The following RARB variants were observed in gnomAD, a reference collection of about 807,000 sequenced individuals.
The protein encoded by RARB is retinoic acid receptor beta.
Under a neutral mutation model 51.9 loss-of-function variants are expected in RARB, and 17 were observed. The ratio of observed to expected loss-of-function variants is 0.33; its 90% CI spans 0.22 to 0.49. The LOEUF (loss-of-function observed/expected upper bound fraction) is 0.49, where lower values mean the gene tolerates loss of function less well. RARB is among the 20% of genes least tolerant of loss of function. RARB has a pLI of 0.99. For missense variants in RARB, 369 were observed against 550.8 expected (o/e 0.67, Z 3.30); for synonymous variants, 215 against 195.4 (o/e 1.10, Z -0.84).
rs4458333 is a variant in RARB, at chr3:24,937,658, G to A, written c.-380+78906G>A. Among the ~76,000 whole-genome samples the A allele has an allele frequency of 8.0e-3, 1,216 of 152,226 alleles. 9 individuals are homozygous for A. The highest frequency in any genetic ancestry group is 0.019 in the African/African-American group (797 of 41,554). On this transcript the variant is annotated intron_variant, in intron 2 of 11. Transcript: ENST00000383772. ...GCTTAACAAAGGAAACTTCAGAACCGTTCAGGGAGATAGCATCAAAACATT... is the reference window on the plus strand; with the variant it reads ...GCTTAACAAAGGAAACTTCAGAACCATTCAGGGAGATAGCATCAAAACATT...
intron 4 of RARB, among the ~76,000 whole-genome samples, chr3:25,159,257 C>G (rs1207276300): frequency 1.3e-5 from 2 of 150,272 alleles, no homozygotes; most frequent in African/African-American, 2.5e-5. Flanking sequence ...TCCACCTCCC[C>G]CTCCCCGGTT....
intron 2 of RARB, among the ~76,000 whole-genome samples, chr3:25,489,185 A>G (rs772708845): frequency 6.6e-6 from 1 of 152,228 alleles, no homozygotes; most frequent in East Asian, 1.9e-4. Flanking sequence ...TGTTTAAAAG[A>G]ACTTTTTCTT....
intron 4 of RARB, among the ~76,000 whole-genome samples, chr3:25,166,388 C>G (rs918294979): frequency 2.0e-5 from 3 of 152,060 alleles, no homozygotes; most frequent in African/African-American, 7.2e-5. Flanking sequence ...AGGTACTTGG[C>G]TGGATGCATC....
At chr3:24,860,259 A>G (rs1490365324) in intron 2 of RARB, among the ~76,000 whole-genome samples, 3 of 152,004 alleles carry the variant, frequency 2.0e-5, no homozygotes, top group African/African-American at 7.3e-5. Flanking sequence ...GTTGATTCTG[A>G]TTGTTCTAGG....
intron 3 of RARB, among the ~76,000 whole-genome samples, chr3:25,090,001 C>G (rs112930858): frequency 5.9e-5 from 9 of 152,254 alleles, no homozygotes; most frequent in African/African-American, 2.2e-4. Flanking sequence ...CTATCCAGGT[C>G]TACTGGTGTA....
intron 2 of RARB, among the ~76,000 whole-genome samples, chr3:24,974,319 T>G (rs938722645): frequency 6.6e-6 from 1 of 152,154 alleles, no homozygotes; most frequent in African/African-American, 2.4e-5. Context: ...TTAAACGCAT[T>G]GTTGAATTTA....
At chr3:25,344,640 A>T (rs924089334) in intron 5 of RARB, among the ~76,000 whole-genome samples, 6 of 152,226 alleles carry the variant, frequency 3.9e-5, no homozygotes, top group African/African-American at 1.4e-4. Context: ...TAAAGCCATG[A>T]ACATTGACAC....
chr3:24,984,114 C>T (rs1381357848), intron 2 of RARB, among the ~76,000 whole-genome samples: 1 of 152,092 alleles, frequency 6.6e-6, no homozygotes, highest in Non-Finnish European at 1.5e-5. Flanking sequence ...ACAGTCATTA[C>T]AATGATCAAG....
chr3:24,903,808 CT>C (rs1694782448), intron 2 of RARB, among the ~76,000 whole-genome samples: 1 of 152,100 alleles, frequency 6.6e-6, no homozygotes, highest in South Asian at 2.1e-4. Context: ...GAAATATGTT[CT>C]CTATACATTT....
At chr3:25,278,329 A>C (rs776529289) in intron 5 of RARB, among the ~76,000 whole-genome samples, 14 of 152,196 alleles carry the variant, frequency 9.2e-5, no homozygotes, top group Admixed American at 1.3e-4. Flanking sequence ...ATATGATGCA[A>C]ATATGAGAGT....
chr3:25,551,123 G>C (rs981314157), intron 3 of RARB, among the ~76,000 whole-genome samples: 6 of 152,122 alleles, frequency 3.9e-5, no homozygotes, highest in African/African-American at 1.4e-4. Flanking sequence ...GGTCTTAGCA[G>C]AGTAGTTAGG....
At chr3:24,921,694 G>T (rs926879080) in intron 2 of RARB, among the ~76,000 whole-genome samples, 8 of 152,120 alleles carry the variant, frequency 5.3e-5, no homozygotes, top group Non-Finnish European at 1.0e-4. Context: ...TCCCCAGAGT[G>T]CTACACTAGT....
intron 5 of RARB, among the ~76,000 whole-genome samples, chr3:25,241,862 T>G (rs1449582237): frequency 6.6e-6 from 1 of 152,230 alleles, no homozygotes; most frequent in Non-Finnish European, 1.5e-5. Flanking sequence ...GTATTTCTAG[T>G]TCTAGATCCT....
At chr3:25,561,815 T>G (rs1199179933) in intron 3 of RARB, among the ~76,000 whole-genome samples, 1 of 152,208 alleles carries the variant, frequency 6.6e-6, no homozygotes, top group Non-Finnish European at 1.5e-5. Context: ...TGTTATTTAA[T>G]ATTTGAAAGC....
At chr3:25,397,986 A>G (rs1707162016) in intron 5 of RARB, among the ~76,000 whole-genome samples, 1 of 152,138 alleles carries the variant, frequency 6.6e-6, no homozygotes, top group East Asian at 1.9e-4. Context: ...AATTTTTCCT[A>G]TAGTCTTTAA....
At chr3:24,859,364 T>G (rs1702698114) in intron 2 of RARB, among the ~76,000 whole-genome samples, 1 of 152,152 alleles carries the variant, frequency 6.6e-6, no homozygotes, top group South Asian at 2.1e-4. Flanking sequence ...TACAGCCATG[T>G]GATGAAATGT....
At chr3:25,179,587 G>C (rs76069717) in intron 5 of RARB, among the ~76,000 whole-genome samples, 1 of 152,122 alleles carries the variant, frequency 6.6e-6, no homozygotes, top group Non-Finnish European at 1.5e-5. Flanking sequence ...TTGGGAATTT[G>C]AGTAAACTCA....
At chr3:24,971,685 T>A (rs1696400870) in intron 2 of RARB, among the ~76,000 whole-genome samples, 1 of 152,058 alleles carries the variant, frequency 6.6e-6, no homozygotes, top group East Asian at 1.9e-4. Flanking sequence ...ATCAGAGCAG[T>A]GGCTTCAGCT....
intron 2 of RARB, among the ~76,000 whole-genome samples, chr3:24,974,460 T>G (rs1218261811): frequency 6.6e-6 from 1 of 152,116 alleles, no homozygotes; most frequent in African/African-American, 2.4e-5. Context: ...AATTTGTTTT[T>G]CACATTGTCT....
Sources: gnomAD v4.1 joint callset for allele counts (sites outside exome capture counted in the v4.1 genomes callset) on GRCh38, gnomAD v4.1.1 for gene constraint, MANE v1.5 for transcripts, NCBI Gene and HGNC (gene_info 2026-07-23, HGNC 2026-07-21) for gene names.